SPACA9: variants seen among roughly 807,000 people sequenced by gnomAD.
SPACA9 encodes the protein sperm acrosome-associated protein 9.
Under a neutral mutation model 12.5 loss-of-function variants are expected in SPACA9, and 14 were observed. The observed-to-expected ratio is 1.12, with a 90% CI of 0.74 to 1.75. The LOEUF (loss-of-function observed/expected upper bound fraction) is 1.75, where lower values mean the gene tolerates loss of function less well. Among genes scored for constraint, SPACA9 ranks in the 40% most tolerant of loss-of-function variants. The probability of loss-of-function intolerance (pLI) is 0.00; values close to 1 mark genes in which losing one functional copy is unlikely to be tolerated. For synonymous variants in SPACA9, 111 were observed against 114.1 expected, an observed-to-expected ratio of 0.97 and a Z score of 0.17; for missense variants, 292 against 291.9, an observed-to-expected ratio of 1.00 and a Z score of 0.00.
In SPACA9 at chr9:132,887,138, T is replaced by TATCCATCCATCCATCC. The variant is rs59019466; in HGVS notation, c.145-203_145-188dup. On this transcript the variant is annotated intron_variant, in intron 2 of 3. Coordinates refer to ENST00000356311, the MANE Select transcript of SPACA9 (RefSeq NM_001316897.2). The surrounding 1 kb of genome is among the most constrained non-coding windows in gnomAD (Gnocchi z 5.4). ...CGATCCATTAATTTCATATCATATC[T>TATCCATCCATCCATCC]ATCCATCCATCCATCCATCCATCCA... 2.0e-5 allele frequency among the ~76,000 whole-genome samples: 3 copies of TATCCATCCATCCATCC among 149,112 alleles called. No individual in the cohort carries two copies. Among genetic ancestry groups the TATCCATCCATCCATCC allele is most frequent in the African/African-American group, 4.9e-5 (2 of 40,614 alleles).
At chr9:132,882,796 G>C (rs978780362) in intron 1 of SPACA9, among the ~76,000 whole-genome samples, 22 of 152,120 alleles carry the variant, frequency 1.4e-4, no homozygotes, top group African/African-American at 5.3e-4. Flanking sequence ...GTTCGAGCCT[G>C]GCCTTTGTTC....
chr9:132,884,168 C>T, intron 2 of SPACA9, 77 bp downstream of exon 2: 1 of 1,507,524 alleles, frequency 6.6e-7, no homozygotes, highest in African/African-American at 1.4e-5. Context: ...ACCACTGGGG[C>T]CCAGAGAGGG....
At chr9:132,886,218 G>A (rs112480816) in intron 2 of SPACA9, among the ~76,000 whole-genome samples, 2 of 152,312 alleles carry the variant, frequency 1.3e-5, no homozygotes, top group African/African-American at 4.8e-5. Flanking sequence ...ACTACGAAAT[G>A]GGTCTGTTCA....
At chr9:132,878,856 G>T (rs557919125), upstream of SPACA9, 2 of 838,036 alleles carry the variant, frequency 2.4e-6, no homozygotes, top group South Asian at 1.1e-4. This position sits in a 1 kb window ranked among gnomAD's most constrained non-coding sequence, Gnocchi z 4.7. Context: ...TAACAATCAC[G>T]CCCGCGGCCC....
At chr9:132,886,008 G>A (rs563434885) in intron 2 of SPACA9, among the ~76,000 whole-genome samples, 50 of 152,190 alleles carry the variant, frequency 3.3e-4, no homozygotes, top group Non-Finnish European at 6.5e-4. Flanking sequence ...AGTGTGAAGA[G>A]CCTCTCCCCC....
chr9:132,880,786 T>A (rs1009790677), intron 1 of SPACA9, among the ~76,000 whole-genome samples: 6 of 152,102 alleles, frequency 3.9e-5, no homozygotes, highest in African/African-American at 1.4e-4. Context: ...GATTTCTCCT[T>A]TTGCCTCAGG....
chr9:132,888,476 A>C lies in SPACA9; in HGVS notation c.534A>C (p.Gly178=). 2 of 1,609,926 alleles carry C rather than the reference A, an allele frequency of 1.2e-6. No homozygotes were observed. The highest frequency in any genetic ancestry group is 2.2e-5 in the South Asian group (2 of 90,526). ...EPQAHQESTR[G]AARPAQAIGT... The stretch of plus-strand genomic sequence containing the variant: ...AGGCGCACCAGGAGAGCACCAGGGG[A>C]GCCGCTCGTCCTGCCCAGGCCATAG... Residue 178 remains glycine (G), a synonymous_variant, in exon 4 of 4, where the codon GGA becomes GGC. Transcript: ENST00000356311. This position sits in a 1 kb window ranked among gnomAD's most constrained non-coding sequence, Gnocchi z 5.0.
chr9:132,888,263 T>C lies in SPACA9; in HGVS notation c.348-27T>C, dbSNP rs764610864. The C allele has an allele frequency of 1.3e-6, 2 of 1,571,836 alleles. No homozygotes were observed. The highest frequency in any genetic ancestry group is 2.4e-5 in the South Asian group (2 of 83,924). The stretch of plus-strand genomic sequence containing the variant: ...GCATGGCAAGTCCCGGGAGCATGGG[T>C]TCACCTGGCCCCCTGCCGTCCTGCA... On this transcript the variant is annotated intron_variant, in intron 3 of 3. Transcript: ENST00000356311. This position sits in a 1 kb window ranked among gnomAD's most constrained non-coding sequence, Gnocchi z 5.0.
chr9:132,884,390 G>T (rs766502557), intron 2 of SPACA9, among the ~76,000 whole-genome samples: 1 of 152,218 alleles, frequency 6.6e-6, no homozygotes, highest in Non-Finnish European at 1.5e-5. Context: ...CTGTGCCTCA[G>T]TGTCCTCATC....
chr9:132,883,793 C>A, intron 1 of SPACA9, 118 bp from the exon 2 acceptor site: 3 of 798,210 alleles, frequency 3.8e-6, no homozygotes, highest in South Asian at 1.6e-5. Flanking sequence ...GAGGCACTCA[C>A]AAGGCGCTCC....
chr9:132,880,978 G>A lies in SPACA9; in HGVS notation c.-38+1964G>A, dbSNP rs560688795. Among the ~76,000 whole-genome samples the A allele has an allele frequency of 4.9e-3, 740 of 151,806 alleles. 7 individuals are homozygous for A. Among genetic ancestry groups the A allele is most frequent in the African/African-American group, 0.016 (673 of 41,412 alleles). On this transcript the variant is annotated intron_variant, in intron 1 of 3. Transcript: ENST00000356311. ...GCTGGGACTACAGGCGCCCGCCACC[G>A]TGCCCGGCTAACTTTTTTTGTATTT...
intron 2 of SPACA9, among the ~76,000 whole-genome samples, chr9:132,885,756 C>G (rs374442021): frequency 6.6e-6 from 1 of 152,208 alleles, no homozygotes; most frequent in Non-Finnish European, 1.5e-5. Context: ...CAACAAGTGT[C>G]CCTTCCCAGA....
intron 1 of SPACA9, among the ~76,000 whole-genome samples, chr9:132,883,008 T>C (rs1186912887): frequency 6.6e-6 from 1 of 152,102 alleles, no homozygotes; most frequent in Non-Finnish European, 1.5e-5. Context: ...TGAATAGAAA[T>C]CTGTGGTCTG....
Position 132,887,460 on chromosome 9 carries a change from T to C in SPACA9, c.236T>C (p.Leu79Pro). 1 of 1,613,802 alleles carries C rather than the reference T, an allele frequency of 6.2e-7. No homozygotes were observed. Among genetic ancestry groups the C allele is most frequent in the Non-Finnish European group, 8.5e-7 (1 of 1,180,006 alleles). ...FLDICSELNK[L>P]CQHFEAVHSG... ...GACATCTGTTCAGAGCTGAATAAGCTCTGCCAGCACTTTGAGGCCGTGCAC... is the reference window on the plus strand; with the variant it reads ...GACATCTGTTCAGAGCTGAATAAGCCCTGCCAGCACTTTGAGGCCGTGCAC... The change falls in exon 3 of 4, where the codon CTC becomes CCC. Residue 79 changes from leucine (L) to proline (P), a missense_variant. Leu to Pro is a moderately conservative substitution (Grantham distance 98). Coordinates refer to ENST00000356311, the MANE Select transcript of SPACA9 (RefSeq NM_001316897.2). The surrounding 1 kb of genome is among the most constrained non-coding windows in gnomAD (Gnocchi z 5.4).
chr9:132,879,411 C>T (rs925086011), intron 1 of SPACA9, among the ~76,000 whole-genome samples: 4 of 152,174 alleles, frequency 2.6e-5, no homozygotes, highest in African/African-American at 2.4e-5. Context: ...TCTGGCTCCG[C>T]TTCTTACTGT....
At chr9:132,884,138 C>G (rs1232491808) in intron 2 of SPACA9, 47 bp downstream of exon 2, 2 of 1,591,268 alleles carry the variant, frequency 1.3e-6, no homozygotes, top group African/African-American at 2.7e-5. Flanking sequence ...CAAGCCCAGT[C>G]CCCTCTCACA....
Position 132,888,602 on chromosome 9 carries a change from G to A in SPACA9, c.660G>A (p.Gly220=), listed in dbSNP as rs1296663452. 4.6e-6 allele frequency: 7 copies of A among 1,531,100 alleles called. No homozygotes were observed. The highest frequency in any genetic ancestry group is 6.2e-6 in the Non-Finnish European group (7 of 1,136,580). The allele number at this position is 1,531,100 out of a possible 1,614,324, so 94.8% of individuals were successfully genotyped here. A position where few individuals can be genotyped will look rare whatever the true frequency, so the allele number is the denominator to read the frequency against. ...CSKPPWRPPG[G]KL The stretch of plus-strand genomic sequence containing the variant: ...AACCACCCTGGAGGCCTCCTGGTGG[G>A]AAATTGTAACTCAGAGCCAGGAGCT... The change falls in exon 4 of 4, where the codon GGG becomes GGA. Residue 220 remains glycine, a synonymous_variant. Transcript: ENST00000356311. The surrounding 1 kb of genome is among the most constrained non-coding windows in gnomAD (Gnocchi z 5.0).
At chr9:132,881,924 C>T (rs1422689576) in intron 1 of SPACA9, among the ~76,000 whole-genome samples, 4 of 152,194 alleles carry the variant, frequency 2.6e-5, no homozygotes, top group Admixed American at 6.5e-5. Flanking sequence ...CTGGGTGAGC[C>T]GGACACCACG....
At position 132,889,836 on chromosome 9, in the gene SPACA9, C is replaced by T; in HGVS notation, c.*1225C>T. 2 of 1,341,722 alleles carry T rather than the reference C, an allele frequency of 1.5e-6. No homozygotes were observed. Among genetic ancestry groups the T allele is most frequent in the Non-Finnish European group, 1.9e-6 (2 of 1,034,734 alleles). 83.1% of individuals were successfully genotyped at this position (1,341,722 alleles called of 1,614,324 possible). ...AAGCCAGAATTCTGATTTTGTGGCT[C>T]CTGAGCAAGGGCGATGACCTGGTTT... is the stretch of plus-strand genomic sequence containing the variant. On this transcript the variant is annotated 3_prime_UTR_variant, in exon 4 of 4. Transcript: ENST00000356311.
Sources: allele counts gnomAD v4.1 joint callset (sites outside exome capture counted in the v4.1 genomes callset), GRCh38; gene constraint gnomAD v4.1.1; non-coding constraint Gnocchi (gnomAD v3.1); transcripts MANE v1.5; gene names NCBI Gene and HGNC (gene_info 2026-07-23, HGNC 2026-07-21).